CDH18: variants seen among roughly 807,000 people sequenced by gnomAD.
CDH18 encodes the protein cadherin-18.
In CDH18, 31 loss-of-function variants were observed where a neutral mutation model predicts 67.9. That is an observed-to-expected ratio of 0.46 (90% CI 0.34 to 0.62). The LOEUF is 0.62. CDH18 is among the 20% of genes least tolerant of loss of function. CDH18 has a pLI of 0.01. For missense variants in CDH18, 890 were observed against 975.5 expected, an observed-to-expected ratio of 0.91 and a Z score of 1.17; for synonymous variants, 362 against 347.2, an observed-to-expected ratio of 1.04 and a Z score of -0.48.
At chr5:20,369,071 C>T (rs1243737250) in intron 1 of CDH18, among the ~76,000 whole-genome samples, 1 of 152,070 alleles carries the variant, frequency 6.6e-6, no homozygotes, top group Non-Finnish European at 1.5e-5. Context: ...TTCTTCTCAG[C>T]TTGCCCTTGA....
intron 1 of CDH18, among the ~76,000 whole-genome samples, chr5:20,350,876 A>G (rs1477616880): frequency 2.0e-5 from 3 of 152,096 alleles, no homozygotes; most frequent in South Asian, 2.1e-4. Flanking sequence ...TTCTTTGAAA[A>G]TTTTAGTTTC....
intron 2 of CDH18, among the ~76,000 whole-genome samples, chr5:20,019,619 T>C (rs747931155): frequency 3.9e-5 from 6 of 152,204 alleles, no homozygotes; most frequent in Non-Finnish European, 8.8e-5. Context: ...CCTTCTGCCA[T>C]GATTGTACAT....
chr5:19,709,727 G>T (rs1378412384), intron 5 of CDH18, among the ~76,000 whole-genome samples: 1 of 151,824 alleles, frequency 6.6e-6, no homozygotes, highest in Admixed American at 6.6e-5. Context: ...AAGAAAAAAA[G>T]AAAAGAAAGA....
At chr5:19,720,642 C>A (rs992559154) in intron 5 of CDH18, among the ~76,000 whole-genome samples, 2 of 151,896 alleles carry the variant, frequency 1.3e-5, no homozygotes, top group African/African-American at 4.8e-5. Context: ...CCTGATATGA[C>A]AGGATATAAC....
chr5:20,421,648 C>G (rs1747866756), intron 1 of CDH18, among the ~76,000 whole-genome samples: 3 of 150,618 alleles, frequency 2.0e-5, no homozygotes, highest in Admixed American at 2.0e-4. Flanking sequence ...TTAAAAACTG[C>G]AGAGTCATGG....
At chr5:19,974,520 CAAAAAAA>C (rs70954626) in intron 2 of CDH18, among the ~76,000 whole-genome samples, 1 of 78,274 alleles carries the variant, frequency 1.3e-5, no homozygotes, top group Non-Finnish European at 2.4e-5. Flanking sequence ...TCCTGTCTCC[CAAAAAAA>C]AAAAAAAAAA....
intron 1 of CDH18, among the ~76,000 whole-genome samples, chr5:20,570,138 T>G (rs1758732642): frequency 6.6e-6 from 1 of 152,202 alleles, no homozygotes; most frequent in Non-Finnish European, 1.5e-5. Flanking sequence ...ATTTATATAA[T>G]ATACATTACA....
At chr5:19,899,405 A>AC (rs1447571301) in intron 2 of CDH18, among the ~76,000 whole-genome samples, 2 of 151,988 alleles carry the variant, frequency 1.3e-5, no homozygotes, top group Non-Finnish European at 2.9e-5. Context: ...ATTTCAAAAA[A>AC]AAAAAAAATG....
chr5:19,737,495 A>G (rs964971198), intron 4 of CDH18, among the ~76,000 whole-genome samples: 2 of 152,014 alleles, frequency 1.3e-5, no homozygotes, highest in African/African-American at 2.4e-5. Context: ...CCTTCACTCT[A>G]TATCTAATCA....
chr5:19,897,670 A>T (rs1253359590), intron 2 of CDH18, among the ~76,000 whole-genome samples: 1 of 152,092 alleles, frequency 6.6e-6, no homozygotes, highest in Non-Finnish European at 1.5e-5. Flanking sequence ...AAAAAGCCAA[A>T]TGTTCATCAT....
intron 3 of CDH18, among the ~76,000 whole-genome samples, chr5:19,792,685 C>A (rs1001178090): frequency 3.3e-5 from 5 of 152,030 alleles, no homozygotes; most frequent in African/African-American, 1.2e-4. Flanking sequence ...TGTCATTGCA[C>A]CAAAGCAATC....
chr5:19,579,070 TTTA>T, intron 7 of CDH18, among the ~76,000 whole-genome samples: 1 of 152,134 alleles, frequency 6.6e-6, no homozygotes, highest in Non-Finnish European at 1.5e-5. Context: ...CAGAGAATGA[TTTA>T]TTAAATCTAT....
intron 2 of CDH18, among the ~76,000 whole-genome samples, chr5:20,071,667 T>TA: frequency 6.6e-6 from 1 of 152,270 alleles, no homozygotes; most frequent in Admixed American, 6.5e-5. Context: ...AAACAATAGT[T>TA]AAACTATAAA....
chr5:19,529,639 G>A (rs1205651784), intron 9 of CDH18, among the ~76,000 whole-genome samples: 2 of 152,012 alleles, frequency 1.3e-5, no homozygotes. Flanking sequence ...AGTATCACAG[G>A]ATACAAGTTC....
chr5:19,994,435 C>T (rs944380424), intron 2 of CDH18, among the ~76,000 whole-genome samples: 3 of 150,824 alleles, frequency 2.0e-5, no homozygotes, highest in African/African-American at 7.3e-5. Context: ...ACATTAATGT[C>T]ATCCCAAGTT....
At chr5:20,561,707 A>G (rs1001867375) in intron 1 of CDH18, among the ~76,000 whole-genome samples, 4 of 151,986 alleles carry the variant, frequency 2.6e-5, no homozygotes, top group African/African-American at 9.7e-5. Context: ...AGCACATAGC[A>G]TGTACAGCAC....
chr5:19,561,654 A>T (rs1257197253), intron 8 of CDH18, among the ~76,000 whole-genome samples: 5 of 152,024 alleles, frequency 3.3e-5, no homozygotes, highest in African/African-American at 4.8e-5. Context: ...AACCTATTGA[A>T]TTTTTTTTAA....
rs34718835 is a variant in CDH18, at chr5:20,266,571, A to ATTTTTTTTTTTTTTTTTTTTTT, written c.-579-11088_-579-11067dup. On this transcript the variant is annotated intron_variant, in intron 1 of 14. Coordinates refer to the CDH18 transcript ENST00000507958. The stretch of plus-strand genomic sequence containing the variant: ...GGCACGTGCCGGCACGCCCGGCTGA[A>ATTTTTTTTTTTTTTTTTTTTTT]TTTTTTTTTTTTTTTTTTTTTTTTT... 3.7e-4 allele frequency among the ~76,000 whole-genome samples: 22 copies of ATTTTTTTTTTTTTTTTTTTTTT among 59,188 alleles called. 2 individuals carry two copies. Among genetic ancestry groups the ATTTTTTTTTTTTTTTTTTTTTT allele is most frequent in the Admixed American group, 1.2e-3 (4 of 3,442 alleles). The allele number at this position is 59,188 out of a possible 152,430, so 38.8% of individuals were successfully genotyped here. A position where few individuals can be genotyped will look rare whatever the true frequency, so the allele number is the denominator to read the frequency against.
At position 19,563,786 on chromosome 5, in the gene CDH18, G is replaced by T. The variant is rs74476888; in HGVS notation, c.1253+7793C>A. Among the ~76,000 whole-genome samples, 63 of 152,250 alleles carry T rather than the reference G, an allele frequency of 4.1e-4. 1 individual carries two copies. In the East Asian group the frequency reaches 0.012, roughly 29 times the overall value. ...ATCAGGTGACTGATCACAGTACTTG[G>T]TATTAACACTATATTAATGAATGGG... On this transcript the variant is annotated intron_variant, in intron 8 of 12. Coordinates refer to ENST00000382275, the MANE Select transcript of CDH18 (RefSeq NM_004934.5).
Sources: allele counts gnomAD v4.1 joint callset (sites outside exome capture counted in the v4.1 genomes callset), GRCh38; gene constraint gnomAD v4.1.1; transcripts MANE v1.5; gene names NCBI Gene and HGNC (gene_info 2026-07-23, HGNC 2026-07-21).